ANKS1B: variants seen among roughly 807,000 people sequenced by gnomAD.
ANKS1B encodes ankyrin repeat and sterile alpha motif domain containing 1B.
ANKS1B carries 36 observed loss-of-function variants against 148.3 expected under a neutral mutation model. The ratio of observed to expected loss-of-function variants is 0.24; its 90% CI spans 0.19 to 0.32. The LOEUF (loss-of-function observed/expected upper bound fraction) is 0.32, where lower values mean the gene tolerates loss of function less well. Ranked by LOEUF, ANKS1B falls within the 10% of genes least tolerant of loss-of-function variation. The pLI, the probability that ANKS1B is intolerant of heterozygous loss-of-function variation, is 1.00. For synonymous variants in ANKS1B, 542 were observed against 560.8 expected (o/e 0.97, Z 0.47); for missense variants, 1,157 against 1,542.6 (o/e 0.75, Z 4.19).
rs146349029 is a variant in ANKS1B, at chr12:99,584,529, C to T, written c.1272+70538G>A. On this transcript the variant is annotated intron_variant, in intron 9 of 26. Transcript: ENST00000683438. ...AAAGGATTGTTTGAGCCCAGGAGAC[C>T]GAGGCTGCAGCGAGCTGTGACTGCA... is the stretch of plus-strand genomic sequence containing the variant. Among the ~76,000 whole-genome samples, 535 of 152,152 alleles carry T rather than the reference C, an allele frequency of 3.5e-3. 5 individuals are homozygous for T. The highest frequency in any genetic ancestry group is 0.01 in the African/African-American group (430 of 41,488).
intron 9 of ANKS1B, among the ~76,000 whole-genome samples, chr12:99,563,194 G>T (rs2097355209): frequency 3.3e-5 from 5 of 152,162 alleles, no homozygotes; most frequent in Admixed American, 3.3e-4. Flanking sequence ...TCTTTTGTGT[G>T]TTCACTGTAA....
intron 14 of ANKS1B, among the ~76,000 whole-genome samples, chr12:99,172,294 T>C (rs895334820): frequency 5.3e-5 from 8 of 152,178 alleles, no homozygotes; most frequent in African/African-American, 1.7e-4. Context: ...AGAACTCTTT[T>C]CTTTCCTGAG....
intron 17 of ANKS1B, among the ~76,000 whole-genome samples, chr12:98,875,981 T>G (rs1011984175): frequency 7.2e-5 from 11 of 152,190 alleles, no homozygotes; most frequent in African/African-American, 2.7e-4. Context: ...TACCATAGTT[T>G]AGATCAGACC....
At chr12:99,218,507 G>A (rs1426016153) in intron 14 of ANKS1B, among the ~76,000 whole-genome samples, 3 of 152,122 alleles carry the variant, frequency 2.0e-5, no homozygotes, top group African/African-American at 4.8e-5. Context: ...CCAGCATCTT[G>A]CAGTTGACTC....
chr12:99,001,959 T>C (rs1276134302), intron 17 of ANKS1B, among the ~76,000 whole-genome samples: 1 of 152,224 alleles, frequency 6.6e-6, no homozygotes, highest in Non-Finnish European at 1.5e-5. Context: ...GATTCATCCA[T>C]GTTGTTGCAA....
chr12:99,844,551 T>C lies in ANKS1B; in HGVS notation c.135-19162A>G, dbSNP rs149600632. On this transcript the variant is annotated intron_variant, in intron 1 of 26. Transcript: ENST00000683438. ...GTCAAAGACCAGATGGTTGTAGGTG[T>C]ATGATGTTATTTCTGGGTTCTCTAT... Among the ~76,000 whole-genome samples, 4 of 152,270 alleles carry C rather than the reference T, an allele frequency of 2.6e-5. No homozygotes were observed. The East Asian group carries it at 5.8e-4, about 22-fold the overall frequency.
intron 12 of ANKS1B, among the ~76,000 whole-genome samples, chr12:99,349,467 A>T (rs1344177159): frequency 1.3e-5 from 2 of 152,056 alleles, no homozygotes; most frequent in African/African-American, 4.8e-5. Flanking sequence ...AAATAGGTTG[A>T]AAGTTAAAGG....
chr12:99,241,879 G>C (rs189587885), intron 14 of ANKS1B, among the ~76,000 whole-genome samples: 56 of 152,214 alleles, frequency 3.7e-4, no homozygotes, highest in African/African-American at 1.2e-3. Flanking sequence ...CAATAAACTA[G>C]GTATTGATGG....
At chr12:99,924,400 T>G (rs2094437751) in intron 1 of ANKS1B, among the ~76,000 whole-genome samples, 1 of 152,184 alleles carries the variant, frequency 6.6e-6, no homozygotes, top group Admixed American at 6.6e-5. Context: ...TTTTAAAACT[T>G]ACACTAATAT....
At chr12:99,376,711 G>C (rs529031048) in intron 12 of ANKS1B, among the ~76,000 whole-genome samples, 20 of 152,180 alleles carry the variant, frequency 1.3e-4, no homozygotes, top group Non-Finnish European at 2.2e-4. Flanking sequence ...ACACTAAATC[G>C]CACATGGATG....
chr12:99,526,330 T>C (rs1416617283), intron 9 of ANKS1B, among the ~76,000 whole-genome samples: 2 of 152,192 alleles, frequency 1.3e-5, no homozygotes, highest in Admixed American at 6.5e-5. Flanking sequence ...TGTTAAAATT[T>C]TTCCCTCACC....
At chr12:99,493,964 G>GT in intron 10 of ANKS1B, among the ~76,000 whole-genome samples, 1 of 152,182 alleles carries the variant, frequency 6.6e-6, no homozygotes. Context: ...AGAGAAAAAA[G>GT]TAAAAAGAAT....
At chr12:99,628,816 C>A (rs1275346582) in intron 9 of ANKS1B, among the ~76,000 whole-genome samples, 2 of 152,148 alleles carry the variant, frequency 1.3e-5, no homozygotes, top group African/African-American at 4.8e-5. Flanking sequence ...TATCAGGAAT[C>A]CATTCCTGCA....
At chr12:99,198,939 T>C (rs1435156998) in intron 14 of ANKS1B, among the ~76,000 whole-genome samples, 1 of 152,188 alleles carries the variant, frequency 6.6e-6, no homozygotes, top group Non-Finnish European at 1.5e-5. Flanking sequence ...CTTTTTTGAA[T>C]TGCTCCTACT....
chr12:99,091,705 T>C (rs998076690), intron 15 of ANKS1B, among the ~76,000 whole-genome samples: 1 of 152,218 alleles, frequency 6.6e-6, no homozygotes, highest in Admixed American at 6.5e-5. Context: ...CTGATAGCAG[T>C]TGGTGTTCAT....
At chr12:98,840,069 CT>C (rs2099397393) in intron 17 of ANKS1B, among the ~76,000 whole-genome samples, 1 of 152,134 alleles carries the variant, frequency 6.6e-6, no homozygotes, top group African/African-American at 2.4e-5. Context: ...ACTCAAACCC[CT>C]GTCAAGGTGG....
intron 1 of ANKS1B, among the ~76,000 whole-genome samples, chr12:99,928,273 T>TTTTA (rs540468641): frequency 8.0e-4 from 66 of 82,560 alleles, no homozygotes; most frequent in African/African-American, 1.1e-3. Context: ...TTTATTTTAT[T>TTTTA]TTTTTTTTTT....
chr12:99,464,125 G>A (rs558872199), intron 10 of ANKS1B, among the ~76,000 whole-genome samples: 155 of 152,250 alleles, frequency 1.0e-3, no homozygotes, highest in African/African-American at 3.5e-3. Context: ...AGCAGCATTC[G>A]CGGTTGATGA....
intron 12 of ANKS1B, among the ~76,000 whole-genome samples, chr12:99,375,050 G>A (rs1444155835): frequency 6.6e-6 from 1 of 152,200 alleles, no homozygotes; most frequent in African/African-American, 2.4e-5. Flanking sequence ...TGGAGTCTAT[G>A]AGTTTGGATC....
Sources: gnomAD v4.1 joint callset for allele counts (sites outside exome capture counted in the v4.1 genomes callset) on GRCh38, gnomAD v4.1.1 for gene constraint, MANE v1.5 for transcripts, NCBI Gene and HGNC (gene_info 2026-07-23, HGNC 2026-07-21) for gene names.